Variants in MAT2B observed in about 807,000 individuals in gnomAD.
MAT2B encodes methionine adenosyltransferase 2 non-catalytic beta subunit, also known as methionine adenosyltransferase 2 subunit beta.
MAT2B carries 16 observed loss-of-function variants against 36.1 expected under a neutral mutation model. The ratio of observed to expected loss-of-function variants is 0.44; its 90% CI spans 0.30 to 0.67. MAT2B has a LOEUF of 0.67. Ranked by LOEUF, MAT2B falls within the 30% of genes least tolerant of loss-of-function variation. The pLI is 0.09. For synonymous variants in MAT2B, 148 were observed against 136.9 expected, an observed-to-expected ratio of 1.08 and a Z score of -0.57; for missense variants, 332 against 398.2, an observed-to-expected ratio of 0.83 and a Z score of 1.42.
At position 163,518,934 on chromosome 5, in the gene MAT2B, A is replaced by G. The variant is rs943329322; in HGVS notation, c.*571A>G. On this transcript the variant is annotated 3_prime_UTR_variant, in exon 7 of 7. Transcript: ENST00000321757. ...ATGCCTCCTGCTTTTATAGCAGTTTATGGGGAGCACTTGAAAGAGCGTGTG... is the reference window on the plus strand; with the variant it reads ...ATGCCTCCTGCTTTTATAGCAGTTTGTGGGGAGCACTTGAAAGAGCGTGTG... 3.1e-4 allele frequency: 48 copies of G among 152,734 alleles called. No individual in the cohort carries two copies. The highest frequency in any genetic ancestry group is 1.1e-3 in the African/African-American group (47 of 41,576). The allele number at this position is 152,734 out of a possible 1,614,324, so 9.5% of individuals were successfully genotyped here. A position where few individuals can be genotyped will look rare whatever the true frequency, so the allele number is the denominator to read the frequency against.
chr5:163,515,980 C>T (rs1760128005), intron 4 of MAT2B, among the ~76,000 whole-genome samples: 1 of 151,928 alleles, frequency 6.6e-6, no homozygotes, highest in South Asian at 2.1e-4. Context: ...AGTAGTCCTC[C>T]TGCCTTGGAC....
chr5:163,515,764 CTTTTTCTTTT>C lies in MAT2B; in HGVS notation c.527-748_527-739del, dbSNP rs1760120312. Among the ~76,000 whole-genome samples, 3 of 30,852 alleles carry C rather than the reference CTTTTTCTTTT, an allele frequency of 9.7e-5. No homozygotes were observed. The South Asian group carries it at 3.3e-3, about 34-fold the overall frequency. The allele number at this position is 30,852 out of a possible 152,430, so 20.2% of individuals were successfully genotyped here. A position where few individuals can be genotyped will look rare whatever the true frequency, so the allele number is the denominator to read the frequency against. Reference sequence around the variant, plus strand: ...AGATACTTAACAAATGTGGTTTTGCCTTTTTCTTTTTTTTTTTTTTTTTTTTTTTTTTGAG... The same window carrying C: ...AGATACTTAACAAATGTGGTTTTGCCTTTTTTTTTTTTTTTTTTTTTTGAG... On this transcript the variant is annotated intron_variant, in intron 4 of 6. Transcript: ENST00000321757.
upstream of MAT2B, chr5:163,503,107 T>A (rs541730039): frequency 2.5e-6 from 1 of 394,200 alleles, no homozygotes; most frequent in Admixed American, 4.4e-5. Flanking sequence ...TTCTACCAAA[T>A]AGTTTTGCAA....
chr5:163,517,507 TCTA>T (rs377621724), intron 5 of MAT2B, 51 bp from the exon 6 acceptor site: 7 of 1,074,110 alleles, frequency 6.5e-6, no homozygotes, highest in Non-Finnish European at 1.0e-5. Flanking sequence ...TCAAACCTAT[TCTA>T]CTCAGCTCAA....
intron 2 of MAT2B, chr5:163,512,855 A>G (rs1760068604): frequency 9.9e-5 from 32 of 322,126 alleles, no homozygotes; most frequent in South Asian, 6.8e-4. Flanking sequence ...TAATTGTTGT[A>G]TTTCTAGTAG....
upstream of MAT2B, chr5:163,505,478 G>T: frequency 8.2e-7 from 1 of 1,213,138 alleles, no homozygotes; most frequent in East Asian, 3.2e-5. Context: ...TGGGCTGGGG[G>T]CAGACCGCGC....
Position 163,517,571 on chromosome 5 carries a change from T to C in MAT2B, c.731T>C (p.Ile244Thr). 1 of 1,605,040 alleles carries C rather than the reference T, an allele frequency of 6.2e-7. No individual in the cohort carries two copies. Among genetic ancestry groups the C allele is most frequent in the Non-Finnish European group, 8.5e-7 (1 of 1,171,754 alleles). ...TGTCATCGTTCTTAGGATCCATCAATTAAGGGAACCTTTCACTGGTCTGGC... is the reference window on the plus strand; with the variant it reads ...TGTCATCGTTCTTAGGATCCATCAACTAAGGGAACCTTTCACTGGTCTGGC... ...LAEKRMLDPSIKGTFHWSGNE... is the reference protein window; with the variant it reads ...LAEKRMLDPSTKGTFHWSGNE... Residue 244 changes from isoleucine (I) to threonine (T), a missense_variant, in exon 6 of 7, where the codon ATT (isoleucine) becomes ACT (threonine). Ile to Thr is a moderately conservative substitution (Grantham distance 89, BLOSUM62 -1). Transcript: ENST00000321757.
chr5:163,505,712 C>T lies in MAT2B; in HGVS notation c.26C>T (p.Ser9Phe), dbSNP rs555495270. 1.8e-5 allele frequency: 23 copies of T among 1,286,044 alleles called. No individual in the cohort carries two copies. The highest frequency in any genetic ancestry group is 1.1e-4 in the Admixed American group (3 of 28,226). 79.7% of individuals were successfully genotyped at this position (1,286,044 alleles called of 1,614,324 possible). The change falls in exon 1 of 7, where the codon TCT (serine) becomes TTT (phenylalanine). Residue 9 changes from serine (S) to phenylalanine (F), a missense_variant. Physicochemically the swap from Ser to Phe is radical, Grantham distance 155 (BLOSUM62 -2). Transcript: ENST00000321757. ...ATGGTGGGGCGGGAGAAAGAGCTCTCTATACACTTTGTTCCCGGGAGCTGT... is the reference window on the plus strand; with the variant it reads ...ATGGTGGGGCGGGAGAAAGAGCTCTTTATACACTTTGTTCCCGGGAGCTGT... MVGREKEL[S>F]IHFVPGSCRL... is the part of the protein sequence containing the mutation.
At chr5:163,512,766 G>A (rs550317914) in intron 2 of MAT2B, 24 of 428,872 alleles carry the variant, frequency 5.6e-5, no homozygotes, top group African/African-American at 3.1e-4. Flanking sequence ...TGCAGCCTCC[G>A]CCTCCCAGGG....
chr5:163,515,644 A>G (rs1158397820), intron 4 of MAT2B, among the ~76,000 whole-genome samples: 1 of 152,028 alleles, frequency 6.6e-6, no homozygotes, highest in Non-Finnish European at 1.5e-5. Flanking sequence ...GTCAAAGACT[A>G]TTCATTGCAT....
chr5:163,503,449 G>T, upstream of MAT2B: 5 of 1,609,818 alleles, frequency 3.1e-6, no homozygotes, highest in Non-Finnish European at 4.3e-6. Flanking sequence ...TTCAAGAAAT[G>T]AAGCATTCTA....
At chr5:163,505,870 G>A (rs1759926582) in intron 1 of MAT2B, 121 bp downstream of exon 1, 4 of 728,536 alleles carry the variant, frequency 5.5e-6, no homozygotes, top group South Asian at 7.1e-5. Context: ...GCCGGGAGTG[G>A]TCTCACCGCC....
At chr5:163,506,012 C>T (rs539184881) in intron 1 of MAT2B, among the ~76,000 whole-genome samples, 41 of 152,252 alleles carry the variant, frequency 2.7e-4, no homozygotes, top group South Asian at 1.2e-3. Flanking sequence ...CGAGTTCTGT[C>T]TCTGCTCCTG....
At chr5:163,505,607 G>C (rs1394392482), upstream of MAT2B, 1 of 1,248,860 alleles carries the variant, frequency 8.0e-7, no homozygotes, top group Non-Finnish European at 1.0e-6. Context: ...GCGGGCCGAG[G>C]GCGTCTGAGC....
Position 163,516,879 on chromosome 5 carries a change from A to G in MAT2B, c.720+168A>G, listed in dbSNP as rs1446586961. The stretch of plus-strand genomic sequence containing the variant: ...TACATATACACTGTATTCATGAAGA[A>G]TAAAAATATTATGCTCTTCTGTTTG... On this transcript the variant is annotated intron_variant, in intron 5 of 6. Transcript: ENST00000321757. 1.1e-5 allele frequency: 7 copies of G among 625,428 alleles called. No homozygotes were observed. The East Asian group carries it at 1.6e-4, about 15-fold the overall frequency. The allele number at this position is 625,428 out of a possible 1,614,324, so 38.7% of individuals were successfully genotyped here.
chr5:163,511,929 C>A, intron 1 of MAT2B, 73 bp from the exon 2 acceptor site: 1 of 1,094,836 alleles, frequency 9.1e-7, no homozygotes. Context: ...TAGGGAACAA[C>A]GATGGTGCCT....
intron 1 of MAT2B, among the ~76,000 whole-genome samples, chr5:163,507,230 A>C (rs1759962809): frequency 6.6e-6 from 1 of 152,244 alleles, no homozygotes; most frequent in Non-Finnish European, 1.5e-5. Context: ...CTTTTCTAGA[A>C]CATTTTTAGT....
At chr5:163,512,289 T>G in intron 2 of MAT2B, 93 bp downstream of exon 2, 1 of 1,128,984 alleles carries the variant, frequency 8.9e-7, no homozygotes, top group Admixed American at 1.7e-5. Flanking sequence ...GAAATTACTA[T>G]GTTTGAAAGC....
At chr5:163,512,792 T>C (rs1265105479) in intron 2 of MAT2B, 2 of 407,964 alleles carry the variant, frequency 4.9e-6, no homozygotes, top group Admixed American at 6.1e-5. Context: ...GCAATTCTCC[T>C]GCCTAAGCTT....
Sources: gnomAD v4.1 joint callset for allele counts (sites outside exome capture counted in the v4.1 genomes callset) on GRCh38, gnomAD v4.1.1 for gene constraint, MANE v1.5 for transcripts, NCBI Gene and HGNC (gene_info 2026-07-23, HGNC 2026-07-21) for gene names.